The following KCTD3 variants were observed in gnomAD, a reference collection of about 807,000 sequenced individuals.
The protein encoded by KCTD3 is potassium channel tetramerization domain containing 3, also known as BTB/POZ domain-containing protein KCTD3.
Under a neutral mutation model 85.8 loss-of-function variants are expected in KCTD3, and 41 were observed. That is an observed-to-expected ratio of 0.48 (90% CI 0.37 to 0.62). The LOEUF (loss-of-function observed/expected upper bound fraction) is 0.62, where lower values mean the gene tolerates loss of function less well. Ranked by LOEUF, KCTD3 falls within the 20% of genes least tolerant of loss-of-function variation. KCTD3 has a pLI of 0.00. For synonymous variants in KCTD3, 338 were observed against 345.4 expected, an observed-to-expected ratio of 0.98 and a Z score of 0.24; for missense variants, 724 against 989.9, an observed-to-expected ratio of 0.73 and a Z score of 3.60.
At chr1:215,578,229 A>G in intron 6 of KCTD3, 148 bp downstream of exon 6, 2 of 687,550 alleles carry the variant, frequency 2.9e-6, no homozygotes, top group South Asian at 4.9e-5. Context: ...TTTTATAGAA[A>G]TTAAGTCACA....
chr1:215,601,716 C>T (rs571723889), intron 10 of KCTD3, 151 bp from the exon 11 acceptor site: 19 of 573,564 alleles, frequency 3.3e-5, no homozygotes, highest in African/African-American at 1.5e-4. Context: ...TGTGTGCACG[C>T]GTGCACCTAA....
chr1:215,620,622 C>G lies in KCTD3; in HGVS notation c.*4C>G, dbSNP rs1168860032. The G allele has an allele frequency of 6.4e-7, 1 of 1,553,876 alleles. No homozygotes were observed. Among genetic ancestry groups the G allele is most frequent in the Non-Finnish European group, 8.7e-7 (1 of 1,149,542 alleles). ...AGGTCAGGAGTACAGCTTGTGAAAA[C>G]TCACCAAAATGAATAGTTGTTTCGT... On this transcript the variant is annotated 3_prime_UTR_variant, in exon 18 of 18. Coordinates refer to ENST00000259154, the MANE Select transcript of KCTD3 (RefSeq NM_016121.5).
chr1:215,617,794 T>C (rs898237429), intron 15 of KCTD3, among the ~76,000 whole-genome samples: 1 of 147,506 alleles, frequency 6.8e-6, no homozygotes, highest in Admixed American at 6.8e-5. Flanking sequence ...ATATATAATG[T>C]ATATATATAA....
Position 215,615,877 on chromosome 1 carries a change from G to A in KCTD3, c.1563-3009G>A, listed in dbSNP as rs555836023. The stretch of plus-strand genomic sequence containing the variant: ...GGACAGCCATGTAGAACTGTGACTG[G>A]ACAAAAAGTTGTAAGTTAACAGAAA... On this transcript the variant is annotated intron_variant, in intron 15 of 17. Transcript: ENST00000259154. Among the ~76,000 whole-genome samples the A allele has an allele frequency of 3.9e-5, 6 of 152,286 alleles. No individual in the cohort carries two copies. In the East Asian group the frequency reaches 1.2e-3, roughly 29 times the overall value.
chr1:215,573,511 C>T (rs1431431610), intron 1 of KCTD3, among the ~76,000 whole-genome samples: 1 of 152,114 alleles, frequency 6.6e-6, no homozygotes, highest in African/African-American at 2.4e-5. Context: ...ATTGTTGATT[C>T]TTCAGCAGAG....
At position 215,573,088 on chromosome 1, in the gene KCTD3, A is replaced by G. The variant is rs1429198020; in HGVS notation, c.84-698A>G. Among the ~76,000 whole-genome samples, 6 of 152,180 alleles carry G rather than the reference A, an allele frequency of 3.9e-5. No individual in the cohort carries two copies. In the East Asian group the frequency reaches 7.7e-4, roughly 20 times the overall value. On this transcript the variant is annotated intron_variant, in intron 1 of 17. Transcript: ENST00000259154. The stretch of plus-strand genomic sequence containing the variant: ...AATATACAAGCTTGATCAAATGACA[A>G]CCTCAGAACAGTGATGTATTTGGCT...
In KCTD3 at chr1:215,575,888, C is replaced by T. The variant is rs748019319; in HGVS notation, c.184-13C>T. The T allele has an allele frequency of 4.9e-6, 7 of 1,435,626 alleles. No individual in the cohort carries two copies. The highest frequency in any genetic ancestry group is 6.7e-6 in the Non-Finnish European group (7 of 1,044,936). 88.9% of individuals were successfully genotyped at this position (1,435,626 alleles called of 1,614,324 possible). A position where few individuals can be genotyped will look rare whatever the true frequency, so the allele number is the denominator to read the frequency against. ...TTTGTAATTTGAAAATAAAACTGTT[C>T]TCTTTTTTACAGATATTTATTGATA... is the stretch of plus-strand genomic sequence containing the variant. On this transcript the variant is annotated splice_polypyrimidine_tract_variant and intron_variant, in intron 3 of 17. Transcript: ENST00000259154.
In KCTD3 at chr1:215,567,642, C is replaced by A; in HGVS notation, c.-44C>A. The A allele has an allele frequency of 8.4e-7, 1 of 1,192,590 alleles. No individual in the cohort carries two copies. The highest frequency in any genetic ancestry group is 4.3e-5 in the South Asian group (1 of 23,392). 73.9% of individuals were successfully genotyped at this position (1,192,590 alleles called of 1,614,324 possible). ...GCTACAGCCCCGGGCTCGGCGGTCC[C>A]GGCTGGGGAAGGAGGGCGGCGAGCG... On this transcript the variant is annotated 5_prime_UTR_variant, in exon 1 of 18. Coordinates refer to ENST00000259154, the MANE Select transcript of KCTD3 (RefSeq NM_016121.5).
intron 12 of KCTD3, 31 bp downstream of exon 12, chr1:215,602,232 G>A: frequency 9.2e-7 from 1 of 1,092,096 alleles, no homozygotes; most frequent in Non-Finnish European, 1.4e-6. Context: ...ATACATTCTT[G>A]ACTTTTTATC....
At chr1:215,613,818 T>A (rs979085667) in intron 15 of KCTD3, among the ~76,000 whole-genome samples, 2 of 152,024 alleles carry the variant, frequency 1.3e-5, no homozygotes, top group Admixed American at 6.6e-5. Context: ...AGTATATGGC[T>A]TTGTTTTCTG....
In KCTD3 at chr1:215,578,981, TTTC is replaced by T. The variant is rs1659690366; in HGVS notation, c.398-11_398-9del. ...AAGGTGAACTTAGGAATGTATTTGT[TTTC>T]TTCTTCTCTTTATAGGTATTCCTAG... is the stretch of plus-strand genomic sequence containing the variant. On this transcript the variant is annotated splice_polypyrimidine_tract_variant and intron_variant, in intron 6 of 17. Coordinates refer to ENST00000259154, the MANE Select transcript of KCTD3 (RefSeq NM_016121.5). The T allele has an allele frequency of 6.7e-7, 1 of 1,499,970 alleles. No homozygotes were observed. Among genetic ancestry groups the T allele is most frequent in the Non-Finnish European group, 8.9e-7 (1 of 1,121,212 alleles). The allele number at this position is 1,499,970 out of a possible 1,614,324, so 92.9% of individuals were successfully genotyped here.
At chr1:215,615,801 C>A (rs1655422402) in intron 15 of KCTD3, among the ~76,000 whole-genome samples, 2 of 152,160 alleles carry the variant, frequency 1.3e-5, no homozygotes, top group Middle Eastern at 6.8e-3. Context: ...AATGAAGACC[C>A]AAAGACACAA....
intron 9 of KCTD3, among the ~76,000 whole-genome samples, chr1:215,589,578 G>A (rs1660137940): frequency 1.3e-5 from 2 of 152,200 alleles, no homozygotes; most frequent in South Asian, 2.1e-4. Flanking sequence ...GAAGATTCCA[G>A]ATTCCCAGAA....
intron 10 of KCTD3, among the ~76,000 whole-genome samples, chr1:215,601,328 G>C (rs1040375544): frequency 1.3e-5 from 2 of 152,096 alleles, no homozygotes; most frequent in African/African-American, 4.8e-5. Flanking sequence ...CCATTTCCTA[G>C]AAAAGAAGTA....
At chr1:215,606,703 C>A (rs1164238873) in intron 13 of KCTD3, among the ~76,000 whole-genome samples, 1 of 151,938 alleles carries the variant, frequency 6.6e-6, no homozygotes, top group Non-Finnish European at 1.5e-5. Flanking sequence ...GTAAGTTTGT[C>A]AAGAGAAATA....
At chr1:215,578,896 G>T in intron 6 of KCTD3, 104 bp from the exon 7 acceptor site, 3 of 630,974 alleles carry the variant, frequency 4.8e-6, no homozygotes, top group South Asian at 5.1e-5. Flanking sequence ...GATGTATTTC[G>T]GCTTTAATGA....
At chr1:215,604,341 T>A in intron 13 of KCTD3, 39 bp downstream of exon 13, 1 of 1,497,726 alleles carries the variant, frequency 6.7e-7, no homozygotes. Context: ...AACTTGGCTC[T>A]GTGTGTTATT....
At chr1:215,570,701 C>G (rs1459794167) in intron 1 of KCTD3, among the ~76,000 whole-genome samples, 3 of 152,176 alleles carry the variant, frequency 2.0e-5, no homozygotes, top group Non-Finnish European at 4.4e-5. Flanking sequence ...TCAGTACTTA[C>G]AGTGCAGAAT....
At chr1:215,579,715 G>C (rs1389590688) in intron 7 of KCTD3, among the ~76,000 whole-genome samples, 194 bp from the exon 8 acceptor site, 1 of 151,944 alleles carries the variant, frequency 6.6e-6, no homozygotes, top group Non-Finnish European at 1.5e-5. Flanking sequence ...AGCCAGTATG[G>C]TCTCGATCCC....
Sources: gnomAD v4.1 joint callset for allele counts (sites outside exome capture counted in the v4.1 genomes callset) on GRCh38, gnomAD v4.1.1 for gene constraint, MANE v1.5 for transcripts, NCBI Gene and HGNC (gene_info 2026-07-23, HGNC 2026-07-21) for gene names.